Variants in RPS6KA4 observed in about 807,000 individuals in gnomAD.
RPS6KA4 encodes the protein ribosomal protein S6 kinase alpha-4.
RPS6KA4 carries 38 observed loss-of-function variants against 89.6 expected under a neutral mutation model. The ratio of observed to expected loss-of-function variants is 0.42; its 90% CI spans 0.33 to 0.56. The LOEUF is 0.56. Among genes scored for constraint, RPS6KA4 ranks in the 20% least tolerant of loss-of-function variants. The probability of loss-of-function intolerance (pLI) is 0.07; values close to 1 mark genes in which losing one functional copy is unlikely to be tolerated. For missense variants in RPS6KA4, 873 were observed against 1,098.8 expected, an observed-to-expected ratio of 0.79 and a Z score of 2.90; for synonymous variants, 495 against 492.8, an observed-to-expected ratio of 1.00 and a Z score of -0.06.
rs1476233242 is a variant in RPS6KA4, at chr11:64,369,668, G to T, written c.1603-31G>T. 4 of 1,600,574 alleles carry T rather than the reference G, an allele frequency of 2.5e-6. No individual in the cohort carries two copies. In the Admixed American group the frequency reaches 6.8e-5, roughly 27 times the overall value. ...GGGCGGAGCGGTGGCGCCGGGGGCT[G>T]CCTCTGACCACTACCCCGCCGCCCT... On this transcript the variant is annotated intron_variant, in intron 13 of 16. Transcript: ENST00000334205.
At chr11:64,369,396 G>T (rs773784419) in intron 12 of RPS6KA4, 50 bp from the exon 13 acceptor site, 1 of 1,507,270 alleles carries the variant, frequency 6.6e-7, no homozygotes, top group Non-Finnish European at 8.9e-7. Context: ...GTGGGAGGGG[G>T]CTTGCCGCCG....
intron 14 of RPS6KA4, 79 bp downstream of exon 14, chr11:64,369,972 G>A: frequency 2.9e-6 from 4 of 1,380,210 alleles, no homozygotes; most frequent in Non-Finnish European, 3.8e-6. Flanking sequence ...CACGAGGGAG[G>A]GGACAGGGGT....
chr11:64,360,751 A>T, intron 4 of RPS6KA4, 159 bp downstream of exon 4: 1 of 655,172 alleles, frequency 1.5e-6, no homozygotes, highest in Non-Finnish European at 2.6e-6. Context: ...GACCCCTTGC[A>T]GGAAGCCTCA....
At chr11:64,367,349 T>C (rs748813526) in intron 9 of RPS6KA4, among the ~76,000 whole-genome samples, 7 of 152,026 alleles carry the variant, frequency 4.6e-5, no homozygotes, top group Non-Finnish European at 7.4e-5. Flanking sequence ...TCGCTCTTGT[T>C]GCCCAGGCTA....
chr11:64,369,447 T>C lies in RPS6KA4; in HGVS notation c.1430T>C (p.Leu477Pro). ...VNLHEVHHDQLHTYLVLELLR... is the reference protein window; with the variant it reads ...VNLHEVHHDQPHTYLVLELLR... ...CTTGGCCCGCCACGCCGCCCGCAGCTGCACACGTACCTGGTCCTGGAGCTG... is the reference window on the plus strand; with the variant it reads ...CTTGGCCCGCCACGCCGCCCGCAGCCGCACACGTACCTGGTCCTGGAGCTG... Residue 477 changes from leucine to proline, a missense_variant and splice_region_variant, in exon 13 of 17, where the codon CTG (leucine) becomes CCG (proline). By Grantham distance (98) the Leu-to-Pro change is moderately conservative. This residue lies in a region of RPS6KA4 where 542 missense variants were observed against 736.4 expected (regional missense o/e 0.74). Transcript: ENST00000334205. The C allele has an allele frequency of 6.2e-7, 1 of 1,600,728 alleles. No individual in the cohort carries two copies.
At chr11:64,364,145 T>C (rs2036821850) in intron 8 of RPS6KA4, among the ~76,000 whole-genome samples, 1 of 51,266 alleles carries the variant, frequency 2.0e-5, no homozygotes, top group Admixed American at 2.9e-4. Flanking sequence ...TCCTCTTCTT[T>C]TTTTTTTTTT....
At chr11:64,362,237 G>T (rs1453152236) in intron 8 of RPS6KA4, among the ~76,000 whole-genome samples, 3 of 152,266 alleles carry the variant, frequency 2.0e-5, no homozygotes, top group African/African-American at 7.2e-5. Flanking sequence ...AGGGATTTGA[G>T]AATGGATTGG....
At chr11:64,365,224 C>CT in intron 8 of RPS6KA4, 77 bp from the exon 9 acceptor site, 1 of 1,527,632 alleles carries the variant, frequency 6.5e-7, no homozygotes, top group Admixed American at 1.8e-5. Context: ...GAGGAACTGC[C>CT]CAGTGAGGGT....
chr11:64,368,747 T>A lies in RPS6KA4; in HGVS notation c.1378T>A (p.Cys460Ser). ...GCGCGAAGTGGCTGCCCTGCGCCTG[T>A]GCCAGTCACACCCCAACGTGGTGAA... Reference protein sequence around the residue: ...TQREVAALRLCQSHPNVVNLH... With the variant: ...TQREVAALRLSQSHPNVVNLH... The change falls in exon 12 of 17, where the codon TGC (cysteine) becomes AGC (serine). Residue 460 changes from cysteine to serine, a missense_variant. By Grantham distance (112) the Cys-to-Ser change is moderately radical. This residue lies in a region of RPS6KA4 where 542 missense variants were observed against 736.4 expected (regional missense o/e 0.74). Transcript: ENST00000334205. 1 of 1,574,398 alleles carries A rather than the reference T, an allele frequency of 6.4e-7. No individual in the cohort carries two copies. Among genetic ancestry groups the A allele is most frequent in the African/African-American group, 1.3e-5 (1 of 74,202 alleles).
intron 4 of RPS6KA4, 95 bp downstream of exon 4, chr11:64,360,687 G>GAA: frequency 2.8e-6 from 3 of 1,067,320 alleles, no homozygotes; most frequent in Non-Finnish European, 4.1e-6. Context: ...CTTCCCCCTG[G>GAA]GCTTCCTGGG....
rs2037040696 is a variant in RPS6KA4 at position 64,370,679 on chromosome 11, G to A, written c.2074G>A (p.Glu692Lys). Reference protein sequence around the residue: ...SPPLRTPDVLESSGPAVRSGL... With the variant: ...SPPLRTPDVLKSSGPAVRSGL... ...CCCGCTCCGGACGCCCGACGTGCTC[G>A]AGTCCTCTGGGCCCGCAGTGCGCTC... Residue 692 changes from glutamate to lysine, a missense_variant, in exon 16 of 17, where the codon GAG becomes AAG. By Grantham distance (56) the Glu-to-Lys change is moderately conservative (BLOSUM62 1). Coordinates refer to ENST00000334205, the MANE Select transcript of RPS6KA4 (RefSeq NM_003942.3). This position sits in a 1 kb window ranked among gnomAD's most constrained non-coding sequence, Gnocchi z 4.1. 1.3e-6 allele frequency: 2 copies of A among 1,572,164 alleles called. No individual in the cohort carries two copies. Among genetic ancestry groups the A allele is most frequent in the Non-Finnish European group, 1.7e-6 (2 of 1,165,232 alleles).
At chr11:64,364,023 T>A (rs1156931923) in intron 8 of RPS6KA4, among the ~76,000 whole-genome samples, 7 of 152,196 alleles carry the variant, frequency 4.6e-5, no homozygotes, top group African/African-American at 1.7e-4. Flanking sequence ...TACTTACTTA[T>A]AAATAAGTGG....
In RPS6KA4 at chr11:64,371,473, C is replaced by A; in HGVS notation, c.2312C>A (p.Pro771His). The change falls in exon 17 of 17, where the codon CCC becomes CAC. Residue 771 changes from proline to histidine, a missense_variant. This residue lies in a region of RPS6KA4 where 278 missense variants were observed against 284.8 expected (regional missense o/e 0.98). Coordinates refer to ENST00000334205, the MANE Select transcript of RPS6KA4 (RefSeq NM_003942.3). ...CGCCGAGCCAACGGCCCCCTGCCCCCCTCCTAATCCCCACCACTGTGACCC... is the reference window on the plus strand; with the variant it reads ...CGCCGAGCCAACGGCCCCCTGCCCCACTCCTAATCCCCACCACTGTGACCC... ...APRRANGPLP[P>H]S 1.7e-6 allele frequency: 2 copies of A among 1,201,714 alleles called. No individual in the cohort carries two copies. Among genetic ancestry groups the A allele is most frequent in the East Asian group, 2.5e-5 (1 of 40,556 alleles). 74.4% of individuals were successfully genotyped at this position (1,201,714 alleles called of 1,614,324 possible).
rs1311706676 is a variant in RPS6KA4, at chr11:64,361,660, C to G, written c.670C>G (p.Leu224Val). Reference sequence around the variant, plus strand: ...CCGGCAGGCTGTGGACTGGTGGAGCCTGGGCATCTTGCTCTTCGAGCTGCT... The same window carrying G: ...CCGGCAGGCTGTGGACTGGTGGAGCGTGGGCATCTTGCTCTTCGAGCTGCT... ...GHGKAVDWWS[L>V]GILLFELLTG... Residue 224 changes from leucine to valine, a missense_variant, in exon 7 of 17, where the codon CTG becomes GTG. Leu to Val is a conservative substitution (Grantham distance 32, BLOSUM62 1). Coordinates refer to ENST00000334205, the MANE Select transcript of RPS6KA4 (RefSeq NM_003942.3). The surrounding 1 kb of genome is among the most constrained non-coding windows in gnomAD (Gnocchi z 4.7). 6.2e-7 allele frequency: 1 copy of G among 1,612,974 alleles called. No homozygotes were observed. The highest frequency in any genetic ancestry group is 2.2e-5 in the East Asian group (1 of 44,862).
In RPS6KA4 at chr11:64,371,555, C is replaced by T. The variant is rs2037078508; in HGVS notation, c.*75C>T. ...CCGGCTCACTCCCGGAGGCCTCTGC[C>T]TGCGGCTGACCTGATCCCCAAGGGA... On this transcript the variant is annotated 3_prime_UTR_variant, in exon 17 of 17. Transcript: ENST00000334205. 1 of 638,796 alleles carries T rather than the reference C, an allele frequency of 1.6e-6. No homozygotes were observed. Among genetic ancestry groups the T allele is most frequent in the South Asian group, 1.9e-5 (1 of 53,070 alleles). 39.6% of individuals were successfully genotyped at this position (638,796 alleles called of 1,614,324 possible).
intron 16 of RPS6KA4, 114 bp from the exon 17 acceptor site, chr11:64,371,169 C>T: frequency 1.1e-6 from 1 of 941,616 alleles, no homozygotes; most frequent in South Asian, 1.5e-5. Flanking sequence ...AGGCCAAGGC[C>T]CTGTCGGCCT....
chr11:64,367,334 C>G (rs632654), intron 9 of RPS6KA4, among the ~76,000 whole-genome samples: 146,982 of 152,068 alleles, frequency 0.97, 71,185 homozygotes, highest in East Asian at 1. Context: ...TTTTGAGACG[C>G]AGTTTCGCTC....
Position 64,370,783 on chromosome 11 carries a change from C to G in RPS6KA4, c.2121+57C>G, listed in dbSNP as rs557149379. Reference sequence around the variant, plus strand: ...TGGGCGAAGCCTCGAGAGGTGGGGTCTGGGGAGGCCCGGCCATCGGAGCAC... The same window carrying G: ...TGGGCGAAGCCTCGAGAGGTGGGGTGTGGGGAGGCCCGGCCATCGGAGCAC... On this transcript the variant is annotated intron_variant, in intron 16 of 16. Transcript: ENST00000334205. The surrounding 1 kb of genome is among the most constrained non-coding windows in gnomAD (Gnocchi z 4.1). 9 of 1,454,198 alleles carry G rather than the reference C, an allele frequency of 6.2e-6. No homozygotes were observed. Among genetic ancestry groups the G allele is most frequent in the Non-Finnish European group, 8.2e-6 (9 of 1,103,722 alleles). 90.1% of individuals were successfully genotyped at this position (1,454,198 alleles called of 1,614,324 possible).
In RPS6KA4 at chr11:64,360,472, C is replaced by G. The variant is rs754517295; in HGVS notation, c.347-5C>G. ...CTGCTTCCTGACTTCCACTGCACCT[C>G]CCAGACTATGTGAGCGGCGGGGAGA... On this transcript the variant is annotated splice_polypyrimidine_tract_variant and splice_region_variant and intron_variant, in intron 3 of 16. Transcript: ENST00000334205. The G allele has an allele frequency of 3.1e-6, 5 of 1,610,896 alleles. No homozygotes were observed. The highest frequency in any genetic ancestry group is 4.2e-6 in the Non-Finnish European group (5 of 1,178,726).
Sources: allele counts gnomAD v4.1 joint callset (sites outside exome capture counted in the v4.1 genomes callset), GRCh38; gene constraint gnomAD v4.1.1; regional missense constraint gnomAD v4.1.1; non-coding constraint Gnocchi (gnomAD v3.1); transcripts MANE v1.5; gene names NCBI Gene and HGNC (gene_info 2026-07-23, HGNC 2026-07-21).